RDX: variants seen among roughly 807,000 people sequenced by gnomAD.
The protein encoded by RDX is deafness, autosomal recessive 24.
In RDX, 32 loss-of-function variants were observed where a neutral mutation model predicts 83.7. The ratio of observed to expected loss-of-function variants is 0.38; its 90% CI spans 0.29 to 0.51. The LOEUF is 0.51. Among genes scored for constraint, RDX ranks in the 20% least tolerant of loss-of-function variants. The pLI, the probability that RDX is intolerant of heterozygous loss-of-function variation, is 0.87. For synonymous variants in RDX, 229 were observed against 222.7 expected (o/e 1.03, Z -0.25); for missense variants, 600 against 689.9 (o/e 0.87, Z 1.46).
intron 14 of RDX, among the ~76,000 whole-genome samples, chr11:110,209,706 A>T (rs6589119): frequency 0.025 from 3,628 of 147,036 alleles, 129 homozygotes; most frequent in African/African-American, 0.084. Context: ...CCTAACTGGG[A>T]GGCACCCCCC....
intron 14 of RDX, chr11:110,199,815 G>T: frequency 3.0e-6 from 2 of 657,852 alleles, no homozygotes; most frequent in Admixed American, 2.2e-5. Context: ...TGTAGGGCCT[G>T]TTATTGTCAA....
At chr11:110,285,290 T>C (rs1289908180) in intron 1 of RDX, among the ~76,000 whole-genome samples, 2 of 151,966 alleles carry the variant, frequency 1.3e-5, no homozygotes, top group African/African-American at 2.4e-5. Context: ...GAGGCTGAGA[T>C]AGCAGAATTG....
intron 15 of RDX, among the ~76,000 whole-genome samples, chr11:110,193,853 T>G (rs1863150245): frequency 6.6e-6 from 1 of 152,238 alleles, no homozygotes; most frequent in Non-Finnish European, 1.5e-5. Context: ...AAACTTTTGA[T>G]TATACAGCAT....
chr11:110,245,981 T>G (rs1859091552), intron 10 of RDX, among the ~76,000 whole-genome samples: 1 of 152,230 alleles, frequency 6.6e-6, no homozygotes, highest in Non-Finnish European at 1.5e-5. Context: ...GGTCTCACTC[T>G]GTTGCTCAGG....
chr11:110,242,667 A>ACC (rs1488580866), intron 10 of RDX, among the ~76,000 whole-genome samples: 1 of 152,200 alleles, frequency 6.6e-6, no homozygotes. Context: ...ATATATTAAG[A>ACC]ATTGTATAAA....
At chr11:110,286,827 A>G (rs969271451) in intron 1 of RDX, among the ~76,000 whole-genome samples, 19 of 152,204 alleles carry the variant, frequency 1.2e-4, no homozygotes, top group Non-Finnish European at 2.1e-4. Context: ...GGAATCTACT[A>G]AAGAAGTTCT....
chr11:110,283,771 CATAAT>C (rs1014329034), intron 1 of RDX, among the ~76,000 whole-genome samples: 7 of 151,372 alleles, frequency 4.6e-5, no homozygotes, highest in South Asian at 2.1e-4. Context: ...GGAAGAATAA[CATAAT>C]ATGACTAAGA....
chr11:110,202,226 C>G (rs2134240181), intron 14 of RDX, among the ~76,000 whole-genome samples: 1 of 152,034 alleles, frequency 6.6e-6, no homozygotes, highest in Non-Finnish European at 1.5e-5. Context: ...GAAACGCCAT[C>G]TCTACTAAAA....
intron 10 of RDX, among the ~76,000 whole-genome samples, chr11:110,239,326 A>G (rs1423526421): frequency 6.6e-6 from 1 of 152,186 alleles, no homozygotes; most frequent in Admixed American, 6.5e-5. Flanking sequence ...ACAGGCAAAG[A>G]GAGATAATGG....
At chr11:110,264,491 A>G (rs1859938906) in intron 4 of RDX, among the ~76,000 whole-genome samples, 1 of 152,216 alleles carries the variant, frequency 6.6e-6, no homozygotes, top group Non-Finnish European at 1.5e-5. Context: ...CTTATCCTAC[A>G]GGTATTTACA....
At chr11:110,273,881 TA>T (rs1220088621) in intron 2 of RDX, among the ~76,000 whole-genome samples, 1 of 152,230 alleles carries the variant, frequency 6.6e-6, no homozygotes, top group Non-Finnish European at 1.5e-5. Context: ...CAACTGTATT[TA>T]AAATTTTATA....
chr11:110,213,061 C>A (rs1277562903), intron 14 of RDX, among the ~76,000 whole-genome samples: 3 of 148,246 alleles, frequency 2.0e-5, no homozygotes, highest in Admixed American at 2.0e-4. Flanking sequence ...TGTTTGCAGA[C>A]AACATGATTG....
At chr11:110,249,301 C>A (rs1417341021) in intron 9 of RDX, among the ~76,000 whole-genome samples, 1 of 152,152 alleles carries the variant, frequency 6.6e-6, no homozygotes, top group Non-Finnish European at 1.5e-5. Context: ...GAATTTCAAG[C>A]ACAAAACCCT....
Position 110,181,948 on chromosome 11 carries a change from G to T in RDX, c.*32-6714C>A, listed in dbSNP as rs563410144. The T allele has an allele frequency of 2.6e-5, 4 of 152,444 alleles. No individual in the cohort carries two copies. In the East Asian group the frequency reaches 5.8e-4, roughly 22 times the overall value. 9.4% of individuals were successfully genotyped at this position (152,444 alleles called of 1,614,324 possible). ...GCTCCATCAACTCCTGATGACTTGG[G>T]TACAAGGCCCCCTCACCTGGCAATC... is the stretch of plus-strand genomic sequence containing the variant. On this transcript the variant is annotated intron_variant, in intron 15 of 15. Coordinates refer to the RDX transcript ENST00000528498.
At chr11:110,284,502 C>G (rs1413840728) in intron 1 of RDX, among the ~76,000 whole-genome samples, 1 of 148,778 alleles carries the variant, frequency 6.7e-6, no homozygotes, top group Non-Finnish European at 1.5e-5. Context: ...TCCATCAACA[C>G]AGAAAAACAC....
chr11:110,295,971 T>C (rs1471239406), intron 1 of RDX, among the ~76,000 whole-genome samples: 2 of 152,256 alleles, frequency 1.3e-5, no homozygotes, highest in Non-Finnish European at 2.9e-5. Context: ...ACACCCCTCC[T>C]TTCAAACTGG....
intron 15 of RDX, among the ~76,000 whole-genome samples, chr11:110,194,089 A>G (rs951390599): frequency 6.6e-6 from 1 of 152,240 alleles, no homozygotes; most frequent in African/African-American, 2.4e-5. Context: ...GTTCCCTGAT[A>G]TATCTATTAA....
At chr11:110,222,297 C>T (rs539111226) in intron 14 of RDX, among the ~76,000 whole-genome samples, 2 of 152,254 alleles carry the variant, frequency 1.3e-5, no homozygotes, top group East Asian at 3.9e-4. Flanking sequence ...TGTAAAGATG[C>T]AAACCTACTT....
chr11:110,258,032 T>C (rs1459353968), intron 6 of RDX, 74 bp downstream of exon 6: 2 of 1,477,424 alleles, frequency 1.4e-6, no homozygotes, highest in East Asian at 2.3e-5. Context: ...TTGGAAATAA[T>C]GTAATAATAA....
Sources: gnomAD v4.1 joint callset for allele counts (sites outside exome capture counted in the v4.1 genomes callset) on GRCh38, gnomAD v4.1.1 for gene constraint, MANE v1.5 for transcripts, NCBI Gene and HGNC (gene_info 2026-07-23, HGNC 2026-07-21) for gene names.